The following TBL1XR1 variants were observed in gnomAD, a reference collection of about 807,000 sequenced individuals.
TBL1XR1 encodes the protein F-box-like/WD repeat-containing protein TBL1XR1.
A neutral mutation model predicts 66.9 loss-of-function variants in TBL1XR1; 5 were observed. The observed-to-expected ratio is 0.07, with a 90% CI of 0.04 to 0.16. The LOEUF is 0.16. Among genes scored for constraint, TBL1XR1 ranks in the 10% least tolerant of loss-of-function variants. TBL1XR1 has a pLI of 1.00. For missense variants in TBL1XR1, 238 were observed against 623.2 expected (o/e 0.38, Z 6.58); for synonymous variants, 210 against 206.0 (o/e 1.02, Z -0.17).
chr3:177,081,005 A>G (rs1312575948), intron 2 of TBL1XR1, among the ~76,000 whole-genome samples: 1 of 152,246 alleles, frequency 6.6e-6, no homozygotes, highest in Non-Finnish European at 1.5e-5. Flanking sequence ...CAACTTTTAA[A>G]GGATGTAAAG....
intron 3 of TBL1XR1, among the ~76,000 whole-genome samples, chr3:177,059,725 G>A (rs1038120304): frequency 6.6e-6 from 1 of 152,092 alleles, no homozygotes; most frequent in African/African-American, 2.4e-5. Flanking sequence ...AACTTGATTG[G>A]ATTGAAGGAT....
At chr3:177,183,081 C>A (rs1163664223) in intron 1 of TBL1XR1, among the ~76,000 whole-genome samples, 1 of 152,132 alleles carries the variant, frequency 6.6e-6, no homozygotes, top group African/African-American at 2.4e-5. Context: ...AATCCTCATA[C>A]AGCTTCAGAA....
intron 1 of TBL1XR1, among the ~76,000 whole-genome samples, chr3:177,175,748 A>G (rs13083811): frequency 0.57 from 86,717 of 151,958 alleles, 25,125 homozygotes; most frequent in East Asian, 0.75. Flanking sequence ...TTGGTGACCT[A>G]ATGAAGCATT....
chr3:177,171,575 C>T (rs796416527), intron 1 of TBL1XR1, among the ~76,000 whole-genome samples: 54 of 146,940 alleles, frequency 3.7e-4, no homozygotes, highest in African/African-American at 9.6e-4. Flanking sequence ...TGGTGGCGGG[C>T]GCCTGTAGTC....
At chr3:177,172,115 G>C (rs1733590935) in intron 1 of TBL1XR1, among the ~76,000 whole-genome samples, 1 of 152,022 alleles carries the variant, frequency 6.6e-6, no homozygotes. Flanking sequence ...CAAAAAATTA[G>C]CTGGGCATGG....
chr3:177,181,043 GC>G lies in TBL1XR1; in HGVS notation c.-122+16077del, dbSNP rs1560271383. 2.6e-5 allele frequency among the ~76,000 whole-genome samples: 4 copies of G among 151,922 alleles called. No homozygotes were observed. In the East Asian group the frequency reaches 7.8e-4, roughly 30 times the overall value. ...ACCCATGGCACTGGACCCCAGACCC[GC>G]TATCCTGGATATTTTCATCAGTGAG... On this transcript the variant is annotated intron_variant, in intron 1 of 15. Coordinates refer to ENST00000457928, the MANE Select transcript of TBL1XR1 (RefSeq NM_024665.7).
intron 1 of TBL1XR1, among the ~76,000 whole-genome samples, chr3:177,114,682 A>G (rs957733523): frequency 1.9e-4 from 29 of 152,224 alleles, no homozygotes; most frequent in African/African-American, 7.0e-4. Context: ...AAAAAGAAAA[A>G]AAAAAAAGTT....
intron 1 of TBL1XR1, 93 bp downstream of exon 1, chr3:177,197,028 C>T (rs1736953799): frequency 6.6e-6 from 1 of 151,908 alleles, no homozygotes; most frequent in South Asian, 2.1e-4. Context: ...CGCCCATCCC[C>T]CCGCGGCCCA....
intron 12 of TBL1XR1, among the ~76,000 whole-genome samples, chr3:177,035,242 A>G (rs890804085): frequency 2.0e-5 from 3 of 152,122 alleles, no homozygotes; most frequent in African/African-American, 7.2e-5. Context: ...CCTCCCTTGA[A>G]ATAAGTTTCC....
chr3:177,046,220 C>CA, intron 9 of TBL1XR1, 31 bp from the exon 10 acceptor site: 1 of 1,496,264 alleles, frequency 6.7e-7, no homozygotes, highest in Non-Finnish European at 9.0e-7. Context: ...AAAATAAACT[C>CA]ATGGAAAGAA....
At chr3:177,157,586 A>T (rs1731669827) in intron 1 of TBL1XR1, among the ~76,000 whole-genome samples, 3 of 152,338 alleles carry the variant, frequency 2.0e-5, no homozygotes, top group Non-Finnish European at 2.9e-5. Context: ...CAAGGCTCTT[A>T]ATCACATGTG....
chr3:177,031,920 G>GAA (rs938384749), intron 14 of TBL1XR1, among the ~76,000 whole-genome samples: 8 of 151,894 alleles, frequency 5.3e-5, no homozygotes, highest in African/African-American at 1.9e-4. Context: ...CAAAGACAAT[G>GAA]AATAACCCAG....
At chr3:177,104,404 G>T (rs991747432) in intron 1 of TBL1XR1, among the ~76,000 whole-genome samples, 1 of 152,058 alleles carries the variant, frequency 6.6e-6, no homozygotes, top group Non-Finnish European at 1.5e-5. Context: ...AACATACTAC[G>T]CATACGTCAA....
Position 177,065,686 on chromosome 3 carries a change from T to C in TBL1XR1, c.-45-664A>G, listed in dbSNP as rs1436303203. Among the ~76,000 whole-genome samples the C allele has an allele frequency of 2.6e-5, 4 of 152,352 alleles. No homozygotes were observed. In the East Asian group the frequency reaches 7.7e-4, roughly 29 times the overall value. On this transcript the variant is annotated intron_variant, in intron 2 of 15. Coordinates refer to ENST00000457928, the MANE Select transcript of TBL1XR1 (RefSeq NM_024665.7). The stretch of plus-strand genomic sequence containing the variant: ...CTCAAATATATCTAATTATACTTAT[T>C]TGTCCTCATGTCACAGAAATGACTG...
chr3:177,067,093 C>T (rs573928108), intron 2 of TBL1XR1, among the ~76,000 whole-genome samples: 2 of 152,220 alleles, frequency 1.3e-5, no homozygotes, highest in South Asian at 4.2e-4. Flanking sequence ...TTAGCCTAAC[C>T]ACCAGTAAGG....
At chr3:177,068,205 A>G (rs765100509) in intron 2 of TBL1XR1, among the ~76,000 whole-genome samples, 5 of 152,210 alleles carry the variant, frequency 3.3e-5, no homozygotes, top group African/African-American at 4.8e-5. Flanking sequence ...CTACCTGATC[A>G]TATTTACTCA....
chr3:177,038,221 C>T (rs1441342301), intron 11 of TBL1XR1, 49 bp from the exon 12 acceptor site: 3 of 1,603,620 alleles, frequency 1.9e-6, no homozygotes, highest in South Asian at 1.1e-5. Flanking sequence ...GACTGGGTAG[C>T]TACTTGAATA....
intron 1 of TBL1XR1, among the ~76,000 whole-genome samples, chr3:177,128,823 TC>T (rs1304328296): frequency 7.9e-5 from 12 of 152,242 alleles, no homozygotes; most frequent in Non-Finnish European, 1.8e-4. Context: ...CTGATAGAGT[TC>T]CTTTATTGTG....
chr3:177,163,802 A>G (rs1732502117), intron 1 of TBL1XR1, among the ~76,000 whole-genome samples: 1 of 152,222 alleles, frequency 6.6e-6, no homozygotes, highest in Non-Finnish European at 1.5e-5. Context: ...CCTAGCCAAC[A>G]AATCTTTTCT....
Sources: allele counts gnomAD v4.1 joint callset (sites outside exome capture counted in the v4.1 genomes callset), GRCh38; gene constraint gnomAD v4.1.1; transcripts MANE v1.5; gene names NCBI Gene and HGNC (gene_info 2026-07-23, HGNC 2026-07-21).